INVS: variants seen among roughly 807,000 people sequenced by gnomAD.
The protein encoded by INVS is inversin.
Under a neutral mutation model 108.8 loss-of-function variants are expected in INVS, and 86 were observed. The ratio of observed to expected loss-of-function variants is 0.79; its 90% CI spans 0.66 to 0.95. The LOEUF (loss-of-function observed/expected upper bound fraction) is 0.95, where lower values mean the gene tolerates loss of function less well. Ranked by LOEUF, INVS falls within the 40% of genes least tolerant of loss-of-function variation. The probability of loss-of-function intolerance (pLI) is 0.00; values close to 1 mark genes in which losing one functional copy is unlikely to be tolerated. For missense variants in INVS, 1,169 were observed against 1,297.4 expected (o/e 0.90, Z 1.52); for synonymous variants, 455 against 473.5 (o/e 0.96, Z 0.51).
intron 3 of INVS, among the ~76,000 whole-genome samples, chr9:100,153,167 A>G (rs545639471): frequency 1.4e-4 from 21 of 152,224 alleles, no homozygotes; most frequent in African/African-American, 5.1e-4. Flanking sequence ...TCTATCTGCA[A>G]GTCAAAATAT....
At chr9:100,183,650 G>C (rs1229928065) in intron 3 of INVS, among the ~76,000 whole-genome samples, 1 of 151,940 alleles carries the variant, frequency 6.6e-6, no homozygotes, top group Non-Finnish European at 1.5e-5. Flanking sequence ...AACATTAGCT[G>C]GGTGTGGTGA....
In INVS at chr9:100,175,615, C is replaced by T. The variant is rs1163814148; in HGVS notation, c.273+49066C>T. ...AAGAGGTGGCAGAAAAACAGCTGCC[C>T]AAAGAATAGCAATGGTGTGACTCCA... On this transcript the variant is annotated intron_variant, in intron 3 of 16. Coordinates refer to ENST00000262457, the MANE Select transcript of INVS (RefSeq NM_014425.5). The T allele has an allele frequency of 5.9e-6, 4 of 677,878 alleles. No homozygotes were observed. The Admixed American group carries it at 7.8e-5, about 13-fold the overall frequency. 42.0% of individuals were successfully genotyped at this position (677,878 alleles called of 1,614,324 possible). A position where few individuals can be genotyped will look rare whatever the true frequency, so the allele number is the denominator to read the frequency against.
At chr9:100,123,163 G>A (rs1385588907) in intron 2 of INVS, among the ~76,000 whole-genome samples, 4 of 152,010 alleles carry the variant, frequency 2.6e-5, no homozygotes, top group African/African-American at 4.8e-5. Flanking sequence ...GTGATTTTGT[G>A]TATTCAGTGT....
At chr9:100,300,065 CTAA>C (rs1468486896) in intron 16 of INVS, among the ~76,000 whole-genome samples, 7 of 152,168 alleles carry the variant, frequency 4.6e-5, no homozygotes, top group Non-Finnish European at 8.8e-5. Flanking sequence ...AAGTATATCA[CTAA>C]TGTTTTCTGA....
chr9:100,211,882 A>G (rs1377123564), intron 3 of INVS, among the ~76,000 whole-genome samples: 1 of 152,218 alleles, frequency 6.6e-6, no homozygotes, highest in Non-Finnish European at 1.5e-5. Flanking sequence ...ATAACTAAAA[A>G]ATATATTTTT....
intron 3 of INVS, among the ~76,000 whole-genome samples, chr9:100,158,025 C>T (rs1403263117): frequency 6.6e-6 from 1 of 152,158 alleles, no homozygotes; most frequent in African/African-American, 2.4e-5. Context: ...TATCACAGAA[C>T]ATTTGTCACT....
intron 3 of INVS, among the ~76,000 whole-genome samples, chr9:100,177,882 G>C (rs1829767397): frequency 1.3e-5 from 2 of 152,176 alleles, no homozygotes; most frequent in Non-Finnish European, 2.9e-5. Flanking sequence ...GACAGCTCTG[G>C]CTTGCATCTG....
At chr9:100,171,162 T>C (rs930470645) in intron 3 of INVS, among the ~76,000 whole-genome samples, 8 of 152,190 alleles carry the variant, frequency 5.3e-5, no homozygotes, top group Non-Finnish European at 8.8e-5. Flanking sequence ...TTTGTTTAAC[T>C]TCAGACCACA....
chr9:100,175,813 C>A (rs1239664021), intron 3 of INVS: 4 of 670,052 alleles, frequency 6.0e-6, no homozygotes, highest in Non-Finnish European at 1.1e-5. Context: ...ACACTCAGAC[C>A]TGGTGCACCC....
At chr9:100,202,079 A>C (rs563785730) in intron 3 of INVS, among the ~76,000 whole-genome samples, 2 of 145,714 alleles carry the variant, frequency 1.4e-5, no homozygotes, top group South Asian at 4.3e-4. Flanking sequence ...GTTGAAAAGC[A>C]GTTATTACAA....
At chr9:100,287,436 A>C (rs1325068284) in intron 13 of INVS, among the ~76,000 whole-genome samples, 1 of 152,224 alleles carries the variant, frequency 6.6e-6, no homozygotes, top group Non-Finnish European at 1.5e-5. Flanking sequence ...GCTATTAAAC[A>C]ATCTGTCATA....
At chr9:100,242,151 G>A (rs1430579664) in intron 6 of INVS, among the ~76,000 whole-genome samples, 1 of 152,174 alleles carries the variant, frequency 6.6e-6, no homozygotes, top group African/African-American at 2.4e-5. Context: ...GAATAGAAGA[G>A]AACAGTTATG....
At chr9:100,160,354 G>A (rs1829131339) in intron 3 of INVS, among the ~76,000 whole-genome samples, 1 of 152,136 alleles carries the variant, frequency 6.6e-6, no homozygotes, top group Non-Finnish European at 1.5e-5. Context: ...GGGTTCAAAT[G>A]GAATGCATCT....
intron 3 of INVS, among the ~76,000 whole-genome samples, chr9:100,145,384 G>A (rs955397053): frequency 2.0e-5 from 3 of 151,772 alleles, no homozygotes; most frequent in Non-Finnish European, 4.4e-5. Context: ...TAAGGGATGG[G>A]GTGCAGAGAT....
intron 3 of INVS, among the ~76,000 whole-genome samples, chr9:100,141,503 A>G (rs1225590017): frequency 6.6e-6 from 1 of 152,204 alleles, no homozygotes; most frequent in African/African-American, 2.4e-5. Flanking sequence ...AGAGGTGGGA[A>G]GGCCAAACCG....
chr9:100,239,682 C>T (rs1197163904), intron 5 of INVS, among the ~76,000 whole-genome samples: 1 of 152,000 alleles, frequency 6.6e-6, no homozygotes, highest in African/African-American at 2.4e-5. Context: ...TCAGTTAATT[C>T]CTGTGCCAGG....
chr9:100,188,435 G>T (rs1290897040), intron 3 of INVS, among the ~76,000 whole-genome samples: 1 of 152,104 alleles, frequency 6.6e-6, no homozygotes, highest in African/African-American at 2.4e-5. Flanking sequence ...CTATTGAGAT[G>T]ATTGTATGTT....
At chr9:100,296,052 G>A (rs183065552) in intron 14 of INVS, among the ~76,000 whole-genome samples, 190 of 152,262 alleles carry the variant, frequency 1.2e-3, no homozygotes, top group Middle Eastern at 3.4e-3. Flanking sequence ...TGCACCAAGC[G>A]CTGCAAGGAG....
At chr9:100,274,844 G>T (rs533851293) in intron 12 of INVS, among the ~76,000 whole-genome samples, 12 of 152,250 alleles carry the variant, frequency 7.9e-5, no homozygotes, top group South Asian at 4.1e-4. Context: ...GCTGTATCTC[G>T]AATGTTTCTA....
Sources: allele counts gnomAD v4.1 joint callset (sites outside exome capture counted in the v4.1 genomes callset), GRCh38; gene constraint gnomAD v4.1.1; transcripts MANE v1.5; gene names NCBI Gene and HGNC (gene_info 2026-07-23, HGNC 2026-07-21).